Variants in GLDC observed in about 807,000 individuals in gnomAD.
The protein encoded by GLDC is glycine decarboxylase, also known as glycine dehydrogenase (decarboxylating), mitochondrial.
Under a neutral mutation model 121.3 loss-of-function variants are expected in GLDC, and 104 were observed. The ratio of observed to expected loss-of-function variants is 0.86; its 90% CI spans 0.73 to 1.01. The LOEUF is 1.01. Ranked by LOEUF, GLDC falls within the 50% of genes least tolerant of loss-of-function variation. The pLI, the probability that GLDC is intolerant of heterozygous loss-of-function variation, is 0.00. For missense variants in GLDC, 1,429 were observed against 1,306.6 expected, an observed-to-expected ratio of 1.09 and a Z score of -1.44; for synonymous variants, 546 against 480.6, an observed-to-expected ratio of 1.14 and a Z score of -1.78.
chr9:6,554,779 C>T lies in GLDC; in HGVS notation c.2205G>A (p.Val735=), dbSNP rs749773420. The change falls in exon 19 of 25, where the codon GTG becomes GTA. Residue 735 remains valine (V), a splice_region_variant and synonymous_variant. Coordinates refer to ENST00000321612, the MANE Select transcript of GLDC (RefSeq NM_000170.3). ...CGAAGTCTCCAGGGCGACAGATTCC[C>T]ACCTACCACAAAGGCAAGGGCCAAA... ...YLDGANMNAQ[V]GICRPGDFGS... 8.7e-6 allele frequency: 14 copies of T among 1,610,460 alleles called. No homozygotes were observed. The highest frequency in any genetic ancestry group is 1.2e-5 in the Non-Finnish European group (14 of 1,178,032).
At position 6,630,993 on chromosome 9, in the gene GLDC, G is replaced by A. The variant is rs150096178; in HGVS notation, c.335-10674C>T. Among the ~76,000 whole-genome samples, 1,147 of 152,256 alleles carry A rather than the reference G, an allele frequency of 7.5e-3. 6 individuals carry two copies. The highest frequency in any genetic ancestry group is 0.012 in the Non-Finnish European group (839 of 68,010). On this transcript the variant is annotated intron_variant, in intron 2 of 24. Coordinates refer to ENST00000321612, the MANE Select transcript of GLDC (RefSeq NM_000170.3). ...GCTGAATCACGGAATGTGTTGAATC[G>A]TTCGAGAAAGCCAAGCCAATCCATA...
chr9:6,622,275 TCTCC>T (rs1291045228), intron 2 of GLDC, among the ~76,000 whole-genome samples: 5 of 142,580 alleles, frequency 3.5e-5, no homozygotes, highest in African/African-American at 1.3e-4. Flanking sequence ...ACGGTCTCCC[TCTCC>T]CTCTTTCCAC....
intron 15 of GLDC, among the ~76,000 whole-genome samples, chr9:6,585,316 C>T (rs1466476077): frequency 1.3e-5 from 2 of 152,130 alleles, no homozygotes; most frequent in Non-Finnish European, 2.9e-5. Flanking sequence ...TGATTATATT[C>T]CGTCACTAGA....
intron 15 of GLDC, among the ~76,000 whole-genome samples, chr9:6,574,574 C>A (rs976563856): frequency 6.6e-6 from 1 of 152,056 alleles, no homozygotes; most frequent in Non-Finnish European, 1.5e-5. Context: ...AATGTTAGAA[C>A]CACTGCCCTA....
At chr9:6,563,011 T>G (rs1817788616) in intron 16 of GLDC, among the ~76,000 whole-genome samples, 1 of 151,520 alleles carries the variant, frequency 6.6e-6, no homozygotes, top group African/African-American at 2.4e-5. Flanking sequence ...TCCTGCAGAG[T>G]GAAATGGCCT....
In GLDC at chr9:6,540,113, C is replaced by G. The variant is rs1376198157; in HGVS notation, c.2603G>C (p.Arg868Thr). ...AATATTTGCAGACTTTTTGAAGGGT[C>G]TCGTGTCCAAAATAAATTCATGACC... ...YVGHEFILDT[R>T]PFKKSANIEA... Residue 868 changes from arginine to threonine, a missense_variant, in exon 22 of 25, where the codon AGA (arginine) becomes ACA (threonine). Coordinates refer to ENST00000321612, the MANE Select transcript of GLDC (RefSeq NM_000170.3). The G allele has an allele frequency of 6.2e-7, 1 of 1,613,058 alleles. No homozygotes were observed. The highest frequency in any genetic ancestry group is 1.1e-5 in the South Asian group (1 of 91,052).
At chr9:6,617,073 C>T (rs576465033) in intron 3 of GLDC, among the ~76,000 whole-genome samples, 8 of 152,210 alleles carry the variant, frequency 5.3e-5, no homozygotes, top group East Asian at 1.9e-4. Context: ...TCTTTCGAGG[C>T]TATGTCATCC....
At chr9:6,630,278 AT>A (rs1819350029) in intron 2 of GLDC, among the ~76,000 whole-genome samples, 2 of 152,102 alleles carry the variant, frequency 1.3e-5, no homozygotes, top group Non-Finnish European at 2.9e-5. Context: ...CAGAAAAAAA[AT>A]AAATAAATAA....
rs1817083513 is a variant in GLDC, at chr9:6,534,768, G to C, written c.2859C>G (p.Thr953=). Residue 953 remains threonine (T), a synonymous_variant, in exon 24 of 25, where the codon ACC becomes ACG. Coordinates refer to ENST00000321612, the MANE Select transcript of GLDC (RefSeq NM_000170.3). ...NPLKMSPHSL[T]CVTSSHWDRP... is the part of the protein sequence containing the mutation. Reference sequence around the variant, plus strand: ...GGTCCCAGTGGGAAGATGTAACGCAGGTCAGGGAGTGTGGAGACATCTGAG... The same window carrying C: ...GGTCCCAGTGGGAAGATGTAACGCACGTCAGGGAGTGTGGAGACATCTGAG... The C allele has an allele frequency of 6.9e-6, 11 of 1,603,504 alleles. No homozygotes were observed. In the South Asian group the frequency reaches 1.2e-4, roughly 18 times the overall value.
chr9:6,626,409 G>A (rs1009557332), intron 2 of GLDC, among the ~76,000 whole-genome samples: 8 of 152,170 alleles, frequency 5.3e-5, no homozygotes, highest in Non-Finnish European at 1.2e-4. Flanking sequence ...AAAAGAAGCA[G>A]CTCAATTGAA....
chr9:6,582,691 T>C (rs1818194610), intron 15 of GLDC, among the ~76,000 whole-genome samples: 1 of 150,168 alleles, frequency 6.7e-6, no homozygotes, highest in Admixed American at 6.6e-5. Flanking sequence ...TAGCCGGGTG[T>C]GGTGGCATGC....
At chr9:6,557,787 G>A (rs1376261384) in intron 17 of GLDC, 1 of 152,432 alleles carries the variant, frequency 6.6e-6, no homozygotes, top group African/African-American at 2.4e-5. Flanking sequence ...AGAACATGGG[G>A]GTGGCCAGGG....
At chr9:6,593,691 CTTT>C (rs201795236) in intron 9 of GLDC, among the ~76,000 whole-genome samples, 5 of 133,144 alleles carry the variant, frequency 3.8e-5, no homozygotes, top group Non-Finnish European at 3.3e-5. Context: ...GATTTAATCA[CTTT>C]TTTTTTTTTT....
intron 15 of GLDC, 114 bp from the exon 16 acceptor site, chr9:6,565,543 G>A (rs1817839480): frequency 1.2e-6 from 1 of 804,480 alleles, no homozygotes; most frequent in Non-Finnish European, 2.2e-6. Context: ...CATGGTCACT[G>A]TCCAGACGCT....
intron 15 of GLDC, among the ~76,000 whole-genome samples, chr9:6,586,723 T>G (rs929353276): frequency 6.6e-6 from 1 of 152,234 alleles, no homozygotes. Context: ...CAATCTGGGC[T>G]CGCCTCGTGA....
At chr9:6,573,502 A>T (rs2026974) in intron 15 of GLDC, among the ~76,000 whole-genome samples, 76,956 of 150,706 alleles carry the variant, frequency 0.51, 19,910 homozygotes, top group Middle Eastern at 0.56. Context: ...GTGATTTTTT[A>T]AAAAAAAATC....
At chr9:6,571,589 G>T (rs1184471971) in intron 15 of GLDC, among the ~76,000 whole-genome samples, 4 of 152,160 alleles carry the variant, frequency 2.6e-5, no homozygotes, top group African/African-American at 4.8e-5. Context: ...CAGCTACTAA[G>T]TGACTGATGG....
chr9:6,545,297 G>C (rs931075815), intron 21 of GLDC, among the ~76,000 whole-genome samples: 2 of 152,176 alleles, frequency 1.3e-5, no homozygotes, highest in African/African-American at 4.8e-5. Flanking sequence ...ATATACCTAG[G>C]CTACATGGTA....
chr9:6,574,636 T>G (rs1177948762), intron 15 of GLDC, among the ~76,000 whole-genome samples: 1 of 152,140 alleles, frequency 6.6e-6, no homozygotes, highest in African/African-American at 2.4e-5. Context: ...TTAAGGAAAT[T>G]GGGAAAGAGG....
Sources: gnomAD v4.1 joint callset for allele counts (sites outside exome capture counted in the v4.1 genomes callset) on GRCh38, gnomAD v4.1.1 for gene constraint, MANE v1.5 for transcripts, NCBI Gene and HGNC (gene_info 2026-07-23, HGNC 2026-07-21) for gene names.